The following THSD4 variants were observed in gnomAD, a reference collection of about 807,000 sequenced individuals.
THSD4 encodes thrombospondin type-1 domain-containing protein 4.
Under a neutral mutation model 119.0 loss-of-function variants are expected in THSD4, and 69 were observed. The observed-to-expected ratio is 0.58, with a 90% CI of 0.48 to 0.71. The LOEUF (loss-of-function observed/expected upper bound fraction) is 0.71. Among genes scored for constraint, THSD4 ranks in the 30% least tolerant of loss-of-function variants. The pLI is 0.00. For missense variants in THSD4, 1,393 were observed against 1,391.1 expected, an observed-to-expected ratio of 1.00 and a Z score of -0.02; for synonymous variants, 524 against 540.4, an observed-to-expected ratio of 0.97 and a Z score of 0.42.
At chr15:71,403,661 G>T (rs796161881) in intron 6 of THSD4, among the ~76,000 whole-genome samples, 1 of 152,300 alleles carries the variant, frequency 6.6e-6, no homozygotes, top group African/African-American at 2.4e-5. Flanking sequence ...ACCTTGAGGG[G>T]TAAGATAAGT....
chr15:71,308,862 G>A (rs1346357870), intron 6 of THSD4, among the ~76,000 whole-genome samples: 3 of 152,302 alleles, frequency 2.0e-5, no homozygotes, highest in East Asian at 1.9e-4. Flanking sequence ...CACCAGCAAC[G>A]TATGAGGGTT....
In THSD4 at chr15:71,172,682, CATATATATATATATATATATAT is replaced by C. The variant is rs71152331; in HGVS notation, c.99+17781_99+17802del. On this transcript the variant is annotated intron_variant, in intron 3 of 17. Transcript: ENST00000261862. ...AATACAGCATGAAAATAGACCTATACATATATATATATATATATATATATATATATATATATATATATATATA... is the reference window on the plus strand; with the variant it reads ...AATACAGCATGAAAATAGACCTATACATATATATATATATATATATATATA... Among the ~76,000 whole-genome samples the C allele has an allele frequency of 9.1e-3, 221 of 24,244 alleles. 5 individuals carry two copies. Among genetic ancestry groups the C allele is most frequent in the East Asian group, 0.018 (12 of 658 alleles). 15.9% of individuals were successfully genotyped at this position (24,244 alleles called of 152,430 possible).
chr15:71,600,299 C>G (rs1197149084), intron 7 of THSD4, among the ~76,000 whole-genome samples: 2 of 152,164 alleles, frequency 1.3e-5, no homozygotes, highest in African/African-American at 4.8e-5. Context: ...TACATCTCCT[C>G]CAGGAAACCT....
intron 1 of THSD4, among the ~76,000 whole-genome samples, chr15:71,140,749 A>G (rs2040595115): frequency 6.6e-6 from 1 of 152,336 alleles, no homozygotes; most frequent in Admixed American, 6.5e-5. Flanking sequence ...TTCGTGTACA[A>G]TTCAGTAGTT....
At chr15:71,674,776 C>T (rs759657729) in intron 8 of THSD4, among the ~76,000 whole-genome samples, 2 of 152,044 alleles carry the variant, frequency 1.3e-5, no homozygotes, top group Non-Finnish European at 2.9e-5. Flanking sequence ...AGGGGGGAGG[C>T]GGGTGCTGCT....
chr15:71,736,389 C>CT (rs2053107928), intron 10 of THSD4, among the ~76,000 whole-genome samples: 1 of 151,948 alleles, frequency 6.6e-6, no homozygotes, highest in Non-Finnish European at 1.5e-5. Context: ...CTCTCGCACT[C>CT]TGTCTCTCTC....
intron 7 of THSD4, among the ~76,000 whole-genome samples, chr15:71,568,173 T>G (rs893854821): frequency 1.3e-5 from 2 of 152,166 alleles, no homozygotes; most frequent in East Asian, 3.9e-4. Context: ...CAGAAATATT[T>G]TTTTTAACGA....
At chr15:71,325,625 T>C (rs2045327263) in intron 6 of THSD4, among the ~76,000 whole-genome samples, 1 of 152,210 alleles carries the variant, frequency 6.6e-6, no homozygotes, top group African/African-American at 2.4e-5. Flanking sequence ...GATTTGTGAT[T>C]ATTGCAAACC....
At chr15:71,537,926 C>G (rs984002658) in intron 7 of THSD4, among the ~76,000 whole-genome samples, 1 of 152,044 alleles carries the variant, frequency 6.6e-6, no homozygotes, top group African/African-American at 2.4e-5. Flanking sequence ...CCATGCCCAG[C>G]TAATTTTTGT....
intron 7 of THSD4, among the ~76,000 whole-genome samples, chr15:71,658,592 C>T (rs1452031925): frequency 6.6e-6 from 1 of 152,076 alleles, no homozygotes; most frequent in Non-Finnish European, 1.5e-5. Context: ...TTGATGGTGA[C>T]ATTTTTGTTG....
intron 3 of THSD4, among the ~76,000 whole-genome samples, chr15:71,157,584 A>T (rs1187804660): frequency 6.6e-6 from 1 of 151,294 alleles, no homozygotes; most frequent in Non-Finnish European, 1.5e-5. Context: ...CTTTGTACCC[A>T]TTGACCAACC....
intron 7 of THSD4, among the ~76,000 whole-genome samples, chr15:71,431,311 TAAAATTTTTATACAGTCCAAC>T (rs2046940466): frequency 6.6e-6 from 1 of 152,184 alleles, no homozygotes; most frequent in South Asian, 2.1e-4. Flanking sequence ...TTGGAATTAT[TAAAATTTTTATACAGTCCAAC>T]TGGATAATCT....
chr15:71,582,927 C>T (rs114763234), intron 7 of THSD4, among the ~76,000 whole-genome samples: 158 of 152,076 alleles, frequency 1.0e-3, no homozygotes, highest in Middle Eastern at 0.01. Context: ...TCAAGAATAT[C>T]GATGCTGGCC....
chr15:71,336,485 T>C (rs2045491178), intron 6 of THSD4, among the ~76,000 whole-genome samples: 1 of 152,244 alleles, frequency 6.6e-6, no homozygotes, highest in Non-Finnish European at 1.5e-5. Flanking sequence ...GTGATTGTTT[T>C]TCTTAAAGTT....
intron 14 of THSD4, among the ~76,000 whole-genome samples, chr15:71,757,674 T>C (rs1250715372): frequency 1.3e-5 from 2 of 152,082 alleles, no homozygotes; most frequent in East Asian, 3.9e-4. Context: ...AGTGGCAAGA[T>C]TGGATATTTG....
intron 3 of THSD4, among the ~76,000 whole-genome samples, chr15:71,211,668 C>G (rs2043889057): frequency 6.6e-6 from 1 of 152,150 alleles, no homozygotes; most frequent in South Asian, 2.1e-4. Context: ...CTGTGAACCA[C>G]CTGTTCATAC....
chr15:71,609,085 G>A (rs1009757034), intron 7 of THSD4, among the ~76,000 whole-genome samples: 10 of 152,112 alleles, frequency 6.6e-5, no homozygotes, highest in Non-Finnish European at 1.5e-4. Flanking sequence ...ATGATCTAAA[G>A]AACATTAACT....
At chr15:71,606,260 T>C (rs768520092) in intron 7 of THSD4, among the ~76,000 whole-genome samples, 19 of 152,364 alleles carry the variant, frequency 1.2e-4, no homozygotes, top group Middle Eastern at 3.4e-3. Context: ...ACAAAGGTGA[T>C]TCCTCCAAGA....
intron 7 of THSD4, among the ~76,000 whole-genome samples, chr15:71,632,281 C>G (rs576304858): frequency 6.6e-6 from 1 of 152,136 alleles, no homozygotes; most frequent in Non-Finnish European, 1.5e-5. Context: ...CACCAGTCAC[C>G]CTTGGGGTTG....
Sources: gnomAD v4.1 joint callset for allele counts (sites outside exome capture counted in the v4.1 genomes callset) on GRCh38, gnomAD v4.1.1 for gene constraint, MANE v1.5 for transcripts, NCBI Gene and HGNC (gene_info 2026-07-23, HGNC 2026-07-21) for gene names.